The following HSPG2 variants were observed in gnomAD, a reference collection of about 807,000 sequenced individuals.
HSPG2 encodes basement membrane-specific heparan sulfate proteoglycan core protein.
A neutral mutation model predicts 526.6 loss-of-function variants in HSPG2; 278 were observed. The ratio of observed to expected loss-of-function variants is 0.53; its 90% CI spans 0.48 to 0.58. The LOEUF is 0.58. HSPG2 is among the 20% of genes least tolerant of loss of function. The pLI, the probability that HSPG2 is intolerant of heterozygous loss-of-function variation, is 0.00. For synonymous variants in HSPG2, 2,465 were observed against 2,555.4 expected, an observed-to-expected ratio of 0.96 and a Z score of 1.07; for missense variants, 5,354 against 6,099.5, an observed-to-expected ratio of 0.88 and a Z score of 4.07.
At chr1:21,932,156 G>A (rs931045965) in intron 1 of HSPG2, among the ~76,000 whole-genome samples, 5 of 109,042 alleles carry the variant, frequency 4.6e-5, no homozygotes, top group South Asian at 3.2e-4. Flanking sequence ...TTCTGTCCCC[G>A]AGCCAATCCC....
At chr1:21,924,926 A>G (rs534311076) in intron 1 of HSPG2, among the ~76,000 whole-genome samples, 7 of 152,218 alleles carry the variant, frequency 4.6e-5, no homozygotes, top group Admixed American at 3.9e-4. Flanking sequence ...ACTCATGCCC[A>G]ATCAGTCTTT....
At chr1:21,836,422 A>G (rs1036342709) in intron 75 of HSPG2, among the ~76,000 whole-genome samples, 1 of 152,138 alleles carries the variant, frequency 6.6e-6, no homozygotes. Context: ...CCTGGGTTCA[A>G]GTGATTCTCC....
intron 1 of HSPG2, among the ~76,000 whole-genome samples, chr1:21,896,579 C>T (rs1642763045): frequency 6.6e-6 from 1 of 152,202 alleles, no homozygotes; most frequent in Non-Finnish European, 1.5e-5. Context: ...ATGTAAATCA[C>T]TTTGGTAAGT....
rs923193055 is a variant in HSPG2 at position 21,874,539 on chromosome 1, G to A, written c.3529-6C>T. 5.0e-6 allele frequency: 8 copies of A among 1,613,686 alleles called. No homozygotes were observed. The highest frequency in any genetic ancestry group is 1.1e-5 in the South Asian group (1 of 91,074). ...TCCGTGTGATGCTGGCAGCCCTGGAGGAGCAGGATGTGAGTTGAGGCTGGG... is the reference window on the plus strand; with the variant it reads ...TCCGTGTGATGCTGGCAGCCCTGGAAGAGCAGGATGTGAGTTGAGGCTGGG... On this transcript the variant is annotated splice_region_variant and splice_polypyrimidine_tract_variant and intron_variant, in intron 27 of 96. Coordinates refer to ENST00000374695, the MANE Select transcript of HSPG2 (RefSeq NM_005529.7).
Position 21,839,299 on chromosome 1 carries a change from T to C in HSPG2, c.9889+72A>G, listed in dbSNP as rs2098039212. 6.4e-7 allele frequency: 1 copy of C among 1,558,354 alleles called. No individual in the cohort carries two copies. On this transcript the variant is annotated intron_variant, in intron 73 of 96. Coordinates refer to ENST00000374695, the MANE Select transcript of HSPG2 (RefSeq NM_005529.7). The surrounding 1 kb of genome is among the most constrained non-coding windows in gnomAD (Gnocchi z 4.5). The stretch of plus-strand genomic sequence containing the variant: ...CCTCTGGATGGGGTTCCTGGGGTTC[T>C]GTGTGGGGTGGAGCCTAGTCGGGGG...
intron 1 of HSPG2, among the ~76,000 whole-genome samples, chr1:21,906,744 C>A: frequency 6.6e-6 from 1 of 151,378 alleles, no homozygotes; most frequent in Admixed American, 6.6e-5. Flanking sequence ...GGGGGGGTCA[C>A]GTGCAACTAT....
intron 1 of HSPG2, among the ~76,000 whole-genome samples, chr1:21,911,281 C>T (rs2152787963): frequency 6.6e-6 from 1 of 152,322 alleles, no homozygotes; most frequent in South Asian, 2.1e-4. Flanking sequence ...GAGGGGGCTA[C>T]CCAGAGCTGG....
chr1:21,835,748 C>G (rs974174107), intron 75 of HSPG2, 111 bp from the exon 76 acceptor site: 24 of 750,870 alleles, frequency 3.2e-5, no homozygotes, highest in Non-Finnish European at 5.0e-5. Flanking sequence ...CTTTGGGAGG[C>G]TGAGGCAGGC....
chr1:21,851,124 C>T (rs1487284717), intron 55 of HSPG2, among the ~76,000 whole-genome samples: 1 of 152,100 alleles, frequency 6.6e-6, no homozygotes, highest in African/African-American at 2.4e-5. Flanking sequence ...AGGCGCCTGC[C>T]ACTATGCCCG....
rs148066529 is a variant in HSPG2, at chr1:21,887,633, C to T, written c.745G>A (p.Val249Met). 293 of 1,613,988 alleles carry T rather than the reference C, an allele frequency of 1.8e-4. 2 individuals carry two copies. In the African/African-American group the frequency reaches 2.6e-3, roughly 15 times the overall value. Residue 249 changes from valine (V) to methionine (M), a missense_variant, in exon 8 of 97, where the codon GTG becomes ATG. Physicochemically the swap from Val to Met is conservative, Grantham distance 21. Transcript: ENST00000374695. The surrounding 1 kb of genome is among the most constrained non-coding windows in gnomAD (Gnocchi z 5.0). The stretch of plus-strand genomic sequence containing the variant: ...CGGGGCGGTAAAGATGTCGTCTCCA[C>T]AAGGAGAGAGAATGTGGGGCTGATA... Reference protein sequence around the residue: ...LGISPTFSLLVETTSLPPRPE... With the variant: ...LGISPTFSLLMETTSLPPRPE...
chr1:21,855,105 T>C (rs1442575044), intron 47 of HSPG2, 122 bp from the exon 48 acceptor site: 1 of 1,395,696 alleles, frequency 7.2e-7, no homozygotes, highest in South Asian at 1.2e-5. Flanking sequence ...CAGTGGGGCA[T>C]GAAGGAGGAC....
chr1:21,846,141 C>T lies in HSPG2; in HGVS notation c.8431G>A (p.Glu2811Lys), dbSNP rs61747612. 69 of 1,612,972 alleles carry T rather than the reference C, an allele frequency of 4.3e-5. No homozygotes were observed. Among genetic ancestry groups the T allele is most frequent in the Non-Finnish European group, 5.1e-5 (60 of 1,180,046 alleles). The change falls in exon 64 of 97, where the codon GAA becomes AAA. Residue 2811 changes from glutamate to lysine, a missense_variant. Glu to Lys is a moderately conservative substitution (Grantham distance 56). Coordinates refer to ENST00000374695, the MANE Select transcript of HSPG2 (RefSeq NM_005529.7). The stretch of plus-strand genomic sequence containing the variant: ...TGGACAGCACTTGAGCCAGAGGCTT[C>T]GATGGTGACCAGGACTGAGGCCTCC... ...PLEASVLVTI[E>K]ASGSSAVHVP...
chr1:21,890,185 T>A lies in HSPG2; in HGVS notation c.414-44A>T. 6.2e-7 allele frequency: 1 copy of A among 1,610,216 alleles called. No individual in the cohort carries two copies. The highest frequency in any genetic ancestry group is 1.1e-5 in the South Asian group (1 of 91,000). ...AGGAGAGGAGGGTCAGCGAGACACC[T>A]GTGTTCTCAGCTCCTCCATGAGGCT... On this transcript the variant is annotated intron_variant, in intron 5 of 96. Transcript: ENST00000374695. This position sits in a 1 kb window ranked among gnomAD's most constrained non-coding sequence, Gnocchi z 4.1.
rs371330305 is a variant in HSPG2, at chr1:21,865,717, C to T, written c.4314G>A (p.Thr1438=). ...SPLSDPDVQI[T]GNNIMLVASQ... ...CCCAGCATGGTGTCCAAATGCTCACCGTGATCTGCACATCGGGGTCAGAGA... is the reference window on the plus strand; with the variant it reads ...CCCAGCATGGTGTCCAAATGCTCACTGTGATCTGCACATCGGGGTCAGAGA... Residue 1438 remains threonine (T), a splice_region_variant and synonymous_variant, in exon 34 of 97, where the codon ACG becomes ACA. Transcript: ENST00000374695. The surrounding 1 kb of genome is among the most constrained non-coding windows in gnomAD (Gnocchi z 5.4). 3.1e-6 allele frequency: 5 copies of T among 1,612,416 alleles called. No homozygotes were observed. In the African/African-American group the frequency reaches 4.0e-5, roughly 13 times the overall value.
In HSPG2 at chr1:21,893,029, C is replaced by T. The variant is rs113627058; in HGVS notation, c.245-2335G>A. 0.015 allele frequency among the ~76,000 whole-genome samples: 2,235 copies of T among 152,198 alleles called. 38 individuals are homozygous for T. Among genetic ancestry groups the T allele is most frequent in the Admixed American group, 0.043 (665 of 15,296 alleles). The stretch of plus-strand genomic sequence containing the variant: ...GGTGAGTTCCCTTGGAGCCAGAGGC[C>T]GGGAGAGGGAGACAGCTGCCCTGCA... On this transcript the variant is annotated intron_variant, in intron 3 of 96. Transcript: ENST00000374695. The surrounding 1 kb of genome is among the most constrained non-coding windows in gnomAD (Gnocchi z 4.3).
intron 1 of HSPG2, among the ~76,000 whole-genome samples, chr1:21,916,139 G>A (rs1164396785): frequency 6.6e-6 from 1 of 151,696 alleles, no homozygotes; most frequent in Non-Finnish European, 1.5e-5. Context: ...GGCTGAGGCG[G>A]GCAGATCATG....
intron 1 of HSPG2, among the ~76,000 whole-genome samples, chr1:21,925,270 G>A (rs754342133): frequency 2.0e-4 from 31 of 152,210 alleles, no homozygotes; most frequent in Non-Finnish European, 3.8e-4. Context: ...CAAATGAGTG[G>A]ACAGAGGGAT....
chr1:21,885,392 T>C lies in HSPG2; in HGVS notation c.1138A>G (p.Met380Val). Residue 380 changes from methionine to valine, a missense_variant, in exon 10 of 97, where the codon ATG becomes GTG. Physicochemically the swap from Met to Val is conservative, Grantham distance 21. Transcript: ENST00000374695. ...PTQFRCVSTN[M>V]CIPASFHCDE... ...CAGTGGAAGCTGGCTGGGATGCACA[T>C]GTTGGTAGAGACGCATCGGAACTGT... The C allele has an allele frequency of 4.3e-6, 7 of 1,614,046 alleles. No homozygotes were observed. The highest frequency in any genetic ancestry group is 5.9e-6 in the Non-Finnish European group (7 of 1,179,984).
Position 21,848,873 on chromosome 1 carries a change from A to G in HSPG2, c.7585+20T>C, listed in dbSNP as rs750906346. 2.4e-5 allele frequency: 38 copies of G among 1,611,294 alleles called. No homozygotes were observed. Among genetic ancestry groups the G allele is most frequent in the Non-Finnish European group, 3.0e-5 (35 of 1,179,188 alleles). On this transcript the variant is annotated intron_variant, in intron 58 of 96. Coordinates refer to ENST00000374695, the MANE Select transcript of HSPG2 (RefSeq NM_005529.7). This position sits in a 1 kb window ranked among gnomAD's most constrained non-coding sequence, Gnocchi z 4.9. The stretch of plus-strand genomic sequence containing the variant: ...GGTCCCCCAGCCCTCCACCATTTGC[A>G]TGACCCCCGAGACACTCACAGTGGG...
Sources: gnomAD v4.1 joint callset for allele counts (sites outside exome capture counted in the v4.1 genomes callset) on GRCh38, gnomAD v4.1.1 for gene constraint, Gnocchi (gnomAD v3.1) non-coding constraint, MANE v1.5 for transcripts, NCBI Gene and HGNC (gene_info 2026-07-23, HGNC 2026-07-21) for gene names.